Variants in FOXJ3 observed in about 807,000 individuals in gnomAD.
FOXJ3 encodes forkhead box protein J3.
A neutral mutation model predicts 76.1 loss-of-function variants in FOXJ3; 22 were observed. The ratio of observed to expected loss-of-function variants is 0.29; its 90% CI spans 0.21 to 0.41. FOXJ3 has a LOEUF of 0.41. FOXJ3 is among the 10% of genes least tolerant of loss of function. The pLI is 1.00. For missense variants in FOXJ3, 613 were observed against 762.1 expected, an observed-to-expected ratio of 0.80 and a Z score of 2.30; for synonymous variants, 269 against 261.2, an observed-to-expected ratio of 1.03 and a Z score of -0.29.
chr1:42,195,115 T>G (rs1232202951), intron 7 of FOXJ3, 51 bp from the exon 8 acceptor site: 1 of 1,336,928 alleles, frequency 7.5e-7, no homozygotes, highest in Non-Finnish European at 1.0e-6. Flanking sequence ...TAATTACAAT[T>G]GGCTTGTTAT....
intron 9 of FOXJ3, among the ~76,000 whole-genome samples, chr1:42,191,054 C>T (rs1646531223): frequency 1.1e-5 from 1 of 87,462 alleles, no homozygotes; most frequent in Non-Finnish European, 2.5e-5. Context: ...GATAATGTAT[C>T]TAAATTATAA....
At position 42,278,572 on chromosome 1, in the gene FOXJ3, G is replaced by A. The variant is rs765635704; in HGVS notation, c.145C>T (p.His49Tyr). Residue 49 changes from histidine (H) to tyrosine (Y), a missense_variant, in exon 3 of 13, where the codon CAT becomes TAT. His to Tyr is a moderately conservative substitution (Grantham distance 83). Coordinates refer to ENST00000361346, the MANE Select transcript of FOXJ3 (RefSeq NM_014947.5). The part of the protein sequence containing the change: ...IQKSDATQNA[H>Y]GTGISKKNAL... Reference sequence around the variant, plus strand: ...TTCTTCTTAGAAATTCCTGTTCCATGTGCATTTTGTGTAGCATCAGATTTT... The same window carrying A: ...TTCTTCTTAGAAATTCCTGTTCCATATGCATTTTGTGTAGCATCAGATTTT... 1.2e-6 allele frequency: 2 copies of A among 1,614,096 alleles called. No individual in the cohort carries two copies. Among genetic ancestry groups the A allele is most frequent in the Admixed American group, 1.7e-5 (1 of 60,034 alleles).
At chr1:42,303,794 C>G (rs1330354314) in intron 2 of FOXJ3, among the ~76,000 whole-genome samples, 1 of 152,098 alleles carries the variant, frequency 6.6e-6, no homozygotes, top group African/African-American at 2.4e-5. Context: ...ATGTGAGAAC[C>G]ATAAAATAAA....
chr1:42,200,964 T>A (rs1163455655), intron 6 of FOXJ3, among the ~76,000 whole-genome samples: 1 of 152,246 alleles, frequency 6.6e-6, no homozygotes, highest in Non-Finnish European at 1.5e-5. Context: ...GAACATTATA[T>A]AATCTATGTC....
intron 1 of FOXJ3, among the ~76,000 whole-genome samples, chr1:42,311,599 C>T (rs1189822261): frequency 6.7e-6 from 1 of 150,230 alleles, no homozygotes; most frequent in African/African-American, 2.4e-5. Context: ...AAATATTGGA[C>T]TTCACAAAGA....
chr1:42,320,100 G>GA (rs1238616383), intron 1 of FOXJ3, among the ~76,000 whole-genome samples: 3 of 151,684 alleles, frequency 2.0e-5, no homozygotes, highest in African/African-American at 7.3e-5. Flanking sequence ...AATAGAAGAT[G>GA]AAAAAAAATC....
At chr1:42,327,316 T>C (rs1343753832) in intron 1 of FOXJ3, among the ~76,000 whole-genome samples, 1 of 152,172 alleles carries the variant, frequency 6.6e-6, no homozygotes, top group Non-Finnish European at 1.5e-5. Context: ...AGAGACGCCA[T>C]GTATCATTCA....
At chr1:42,182,264 C>CT (rs1646340026) in intron 11 of FOXJ3, among the ~76,000 whole-genome samples, 1 of 152,330 alleles carries the variant, frequency 6.6e-6, no homozygotes, top group South Asian at 2.1e-4. Flanking sequence ...TAACTGTACG[C>CT]TGGTAGGCAA....
chr1:42,219,955 T>C (rs1647146767), intron 5 of FOXJ3, among the ~76,000 whole-genome samples: 1 of 151,712 alleles, frequency 6.6e-6, no homozygotes, highest in African/African-American at 2.4e-5. Context: ...TTTTAGAATT[T>C]CCATTTTCTA....
At chr1:42,315,650 A>C (rs1361710286) in intron 1 of FOXJ3, among the ~76,000 whole-genome samples, 2 of 152,184 alleles carry the variant, frequency 1.3e-5, no homozygotes, top group Non-Finnish European at 2.9e-5. Context: ...AACATATATC[A>C]GTCTTCTCCC....
At chr1:42,183,938 T>C (rs964616699) in intron 11 of FOXJ3, among the ~76,000 whole-genome samples, 2 of 152,156 alleles carry the variant, frequency 1.3e-5, no homozygotes, top group African/African-American at 4.8e-5. Flanking sequence ...CCTCCCATGA[T>C]AACATGCCTT....
chr1:42,235,536 T>C (rs770850499), intron 4 of FOXJ3, among the ~76,000 whole-genome samples: 10 of 151,610 alleles, frequency 6.6e-5, no homozygotes, highest in Non-Finnish European at 1.3e-4. Context: ...TATTCGGCCA[T>C]CTTGGCTCCA....
intron 4 of FOXJ3, among the ~76,000 whole-genome samples, chr1:42,252,486 T>C (rs1484877756): frequency 6.6e-6 from 1 of 152,228 alleles, no homozygotes; most frequent in Non-Finnish European, 1.5e-5. Flanking sequence ...TATCATTTTT[T>C]ATTGCGTCTA....
intron 7 of FOXJ3, 59 bp downstream of exon 7, chr1:42,199,043 G>T: frequency 6.1e-6 from 8 of 1,321,696 alleles, no homozygotes; most frequent in Non-Finnish European, 8.5e-6. Context: ...AATTATGTTT[G>T]GTTTAGTTTT....
intron 4 of FOXJ3, among the ~76,000 whole-genome samples, chr1:42,257,514 G>A (rs570905628): frequency 1.4e-4 from 22 of 152,102 alleles, no homozygotes; most frequent in Admixed American, 9.8e-4. Flanking sequence ...TCAGGAGTTC[G>A]AGACCAGCCT....
chr1:42,220,646 A>G (rs1172202528), intron 5 of FOXJ3, among the ~76,000 whole-genome samples: 1 of 152,176 alleles, frequency 6.6e-6, no homozygotes, highest in African/African-American at 2.4e-5. Flanking sequence ...AGAAGGAAGA[A>G]CCGATGGATA....
chr1:42,318,010 A>G (rs1010074131), intron 1 of FOXJ3, among the ~76,000 whole-genome samples: 1 of 152,230 alleles, frequency 6.6e-6, no homozygotes, highest in Non-Finnish European at 1.5e-5. Flanking sequence ...GCCAGCACTC[A>G]TATTTATTCA....
At chr1:42,197,676 A>C (rs1435425701) in intron 7 of FOXJ3, among the ~76,000 whole-genome samples, 3 of 151,474 alleles carry the variant, frequency 2.0e-5, no homozygotes, top group Non-Finnish European at 4.4e-5. Context: ...TTCTTTAAAA[A>C]AAAAAAAGAA....
intron 2 of FOXJ3, among the ~76,000 whole-genome samples, chr1:42,284,113 G>C (rs755146597): frequency 2.0e-5 from 3 of 152,248 alleles, no homozygotes; most frequent in Non-Finnish European, 4.4e-5. Flanking sequence ...TTTAACGTAT[G>C]TAACGACTAT....
Sources: allele counts gnomAD v4.1 joint callset (sites outside exome capture counted in the v4.1 genomes callset), GRCh38; gene constraint gnomAD v4.1.1; transcripts MANE v1.5; gene names NCBI Gene and HGNC (gene_info 2026-07-23, HGNC 2026-07-21).